WDR27: variants seen among roughly 807,000 people sequenced by gnomAD.
WDR27 encodes WD repeat domain 27.
WDR27 carries 100 observed loss-of-function variants against 114.4 expected under a neutral mutation model. That is an observed-to-expected ratio of 0.87 (90% CI 0.74 to 1.03). WDR27 has a LOEUF of 1.03. Among genes scored for constraint, WDR27 ranks in the 50% least tolerant of loss-of-function variants. The probability of loss-of-function intolerance (pLI) is 0.00; values close to 1 mark genes in which losing one functional copy is unlikely to be tolerated. For missense variants in WDR27, 1,129 were observed against 1,092.9 expected (o/e 1.03, Z -0.47); for synonymous variants, 449 against 423.1 (o/e 1.06, Z -0.75).
Position 169,683,763 on chromosome 6 carries a change from C to G in WDR27, c.189+5054G>C, listed in dbSNP as rs185802532. On this transcript the variant is annotated intron_variant, in intron 2 of 25. Transcript: ENST00000448612. Reference sequence around the variant, plus strand: ...GAAAAGGTAAGCAAAAGATCCCCAACCACCCACATCACCACCACAAACACC... The same window carrying G: ...GAAAAGGTAAGCAAAAGATCCCCAAGCACCCACATCACCACCACAAACACC... Among the ~76,000 whole-genome samples, 298 of 152,302 alleles carry G rather than the reference C, an allele frequency of 2.0e-3. 2 individuals are homozygous for G. Among genetic ancestry groups the G allele is most frequent in the African/African-American group, 6.9e-3 (287 of 41,564 alleles).
intron 25 of WDR27, among the ~76,000 whole-genome samples, chr6:169,512,667 A>G (rs547184422): frequency 6.6e-6 from 1 of 152,340 alleles, no homozygotes; most frequent in East Asian, 1.9e-4. Flanking sequence ...AATGCTGCAA[A>G]TGTGAACATT....
At chr6:169,579,538 G>A (rs974175533) in intron 24 of WDR27, among the ~76,000 whole-genome samples, 1 of 152,088 alleles carries the variant, frequency 6.6e-6, no homozygotes, top group Non-Finnish European at 1.5e-5. Context: ...CCAAGATGGT[G>A]CTGAAGCCAT....
At chr6:169,441,538 G>A in the WDR27 span, among the ~76,000 whole-genome samples, 2 of 152,128 alleles carry the variant, frequency 1.3e-5, no homozygotes, top group Admixed American at 6.5e-5. Context: ...CAGCTGCCAT[G>A]TCAGTTACCC....
At chr6:169,616,523 A>C (rs988384378) in intron 21 of WDR27, among the ~76,000 whole-genome samples, 13 of 152,140 alleles carry the variant, frequency 8.5e-5, no homozygotes, top group African/African-American at 3.1e-4. Flanking sequence ...GAAACTGACA[A>C]GATTACAATC....
chr6:169,677,185 A>G (rs1780279984), intron 2 of WDR27, among the ~76,000 whole-genome samples: 1 of 152,262 alleles, frequency 6.6e-6, no homozygotes, highest in African/African-American at 2.4e-5. Flanking sequence ...CTTAGATACC[A>G]GTTAAATGAC....
At chr6:169,479,393 C>T (rs1295013385) in intron 25 of WDR27, among the ~76,000 whole-genome samples, 1 of 152,094 alleles carries the variant, frequency 6.6e-6, no homozygotes, top group Non-Finnish European at 1.5e-5. Context: ...AGAAAACTGA[C>T]TTTAAACCAA....
chr6:169,430,592 A>G, the WDR27 span, among the ~76,000 whole-genome samples: 4 of 152,200 alleles, frequency 2.6e-5, no homozygotes, highest in Admixed American at 2.6e-4. Flanking sequence ...TAGCTTCCAC[A>G]AGGATGAAGA....
At chr6:169,556,703 C>T (rs1486130732) in intron 25 of WDR27, among the ~76,000 whole-genome samples, 5 of 152,130 alleles carry the variant, frequency 3.3e-5, no homozygotes, top group African/African-American at 1.2e-4. Context: ...AGGGGAAATA[C>T]TGCAATACCT....
chr6:169,456,482 G>T (rs1784350392), downstream of WDR27, among the ~76,000 whole-genome samples: 1 of 152,172 alleles, frequency 6.6e-6, no homozygotes, highest in Admixed American at 6.5e-5. This position sits in a 1 kb window ranked among gnomAD's most constrained non-coding sequence, Gnocchi z 4.0. Flanking sequence ...CTCACATGGG[G>T]CATCACAGGC....
intron 14 of WDR27, 93 bp downstream of exon 14, chr6:169,651,837 C>T: frequency 8.9e-7 from 1 of 1,122,404 alleles, no homozygotes; most frequent in South Asian, 1.4e-5. Context: ...ATACTGTGGC[C>T]CTCGGGGATG....
chr6:169,506,894 G>A (rs2115510419), intron 25 of WDR27, among the ~76,000 whole-genome samples: 1 of 152,298 alleles, frequency 6.6e-6, no homozygotes, highest in Non-Finnish European at 1.5e-5. Flanking sequence ...TGGTATAACT[G>A]AATGTGTACC....
chr6:169,564,738 G>A (rs1392214600), intron 25 of WDR27, among the ~76,000 whole-genome samples: 1 of 152,166 alleles, frequency 6.6e-6, no homozygotes, highest in Non-Finnish European at 1.5e-5. Flanking sequence ...TGCCCTGGGA[G>A]TGGCCCTGAC....
rs745309570 is a variant in WDR27 at position 169,582,877 on chromosome 6, C to G, written c.2482G>C (p.Asp828His). The change falls in exon 24 of 26, where the codon GAC (aspartate) becomes CAC (histidine). Residue 828 changes from aspartate (D) to histidine (H), a missense_variant. By Grantham distance (81) the Asp-to-His change is moderately conservative. Transcript: ENST00000448612. ...TTGAAGGCCACTCCAGTGACAGTGT[C>G]TGTGTGCCCAGCCAGCCGGTGAGAA... ...TFSHRLAGHT[D>H]TVTGVAFNPS... is the part of the protein sequence containing the mutation. 1.2e-6 allele frequency: 2 copies of G among 1,613,924 alleles called. No homozygotes were observed. Among genetic ancestry groups the G allele is most frequent in the Non-Finnish European group, 8.5e-7 (1 of 1,179,882 alleles).
intron 25 of WDR27, among the ~76,000 whole-genome samples, chr6:169,568,522 T>C (rs1307106630): frequency 1.3e-5 from 2 of 152,068 alleles, no homozygotes; most frequent in Non-Finnish European, 2.9e-5. Context: ...CCTGCAGCTG[T>C]GGGAAATAAA....
chr6:169,695,235 T>C (rs1785572859), intron 1 of WDR27, among the ~76,000 whole-genome samples: 1 of 152,208 alleles, frequency 6.6e-6, no homozygotes, highest in Non-Finnish European at 1.5e-5. Context: ...ATGTTATTTC[T>C]GAGCTAGGAC....
chr6:169,527,828 A>C (rs1795122794), intron 25 of WDR27, among the ~76,000 whole-genome samples: 1 of 152,202 alleles, frequency 6.6e-6, no homozygotes, highest in African/African-American at 2.4e-5. Context: ...ACGTCAGCTA[A>C]GTAAAAGATT....
At position 169,638,611 on chromosome 6, in the gene WDR27, C is replaced by T. The variant is rs762207421; in HGVS notation, c.1797G>A (p.Trp599Ter). 8.1e-6 allele frequency: 13 copies of T among 1,608,068 alleles called. No individual in the cohort carries two copies. In the Admixed American group the frequency reaches 2.0e-4, roughly 25 times the overall value. ...NAVCWSQDRR[W>*]LLSAARDGTL... ...TCCCGTCCCGGGCCGCAGAGAGCAGCCACCTCCGGTCCTGGCTCCAGCACA... is the reference window on the plus strand; with the variant it reads ...TCCCGTCCCGGGCCGCAGAGAGCAGTCACCTCCGGTCCTGGCTCCAGCACA... The change falls in exon 18 of 26, where the codon TGG becomes TGA. Residue 599 changes from tryptophan (W) to a stop codon, truncating the protein, a stop_gained. Transcript: ENST00000448612. LOFTEE classifies it high-confidence loss of function.
chr6:169,531,351 C>T (rs1004611877), intron 25 of WDR27, among the ~76,000 whole-genome samples: 1 of 152,144 alleles, frequency 6.6e-6, no homozygotes, highest in African/African-American at 2.4e-5. Flanking sequence ...CCTTTCAAAA[C>T]CAAAGACAAT....
intron 21 of WDR27, among the ~76,000 whole-genome samples, chr6:169,617,733 C>T (rs1450101373): frequency 6.6e-6 from 1 of 152,126 alleles, no homozygotes; most frequent in African/African-American, 2.4e-5. Flanking sequence ...GCCATCTTGC[C>T]TGCTCCTTAC....
Sources: gnomAD v4.1 joint callset for allele counts (sites outside exome capture counted in the v4.1 genomes callset) on GRCh38, gnomAD v4.1.1 for gene constraint, Gnocchi (gnomAD v3.1) non-coding constraint, MANE v1.5 for transcripts, NCBI Gene and HGNC (gene_info 2026-07-23, HGNC 2026-07-21) for gene names.